NTMT1: variants seen among roughly 807,000 people sequenced by gnomAD.
NTMT1 encodes the protein N-terminal RCC1 methyltransferase.
Under a neutral mutation model 17.5 loss-of-function variants are expected in NTMT1, and 8 were observed. That is an observed-to-expected ratio of 0.46 (90% CI 0.27 to 0.82). NTMT1 has a LOEUF of 0.82. Among genes scored for constraint, NTMT1 ranks in the 40% least tolerant of loss-of-function variants. NTMT1 has a pLI of 0.15. For synonymous variants in NTMT1, 128 were observed against 126.8 expected (o/e 1.01, Z -0.06); for missense variants, 221 against 303.5 (o/e 0.73, Z 2.02).
chr9:129,620,055 G>A lies in NTMT1; in HGVS notation c.-55+10877G>A, dbSNP rs560342192. On this transcript the variant is annotated intron_variant, in intron 1 of 3. Transcript: ENST00000372486. This position sits in a 1 kb window ranked among gnomAD's most constrained non-coding sequence, Gnocchi z 5.8. Reference sequence around the variant, plus strand: ...GACTCGGGCCCGCCCCCCGGGCCCCGCGGGGCCTCACTCAGTGGCTCCGGC... The same window carrying A: ...GACTCGGGCCCGCCCCCCGGGCCCCACGGGGCCTCACTCAGTGGCTCCGGC... The A allele has an allele frequency of 5.4e-5, 78 of 1,447,998 alleles. 1 individual carries two copies. The African/African-American group carries it at 9.8e-4, about 18-fold the overall frequency. 89.7% of individuals were successfully genotyped at this position (1,447,998 alleles called of 1,614,324 possible).
At chr9:129,629,584 TC>T (rs1831053415) in intron 1 of NTMT1, among the ~76,000 whole-genome samples, 1 of 152,088 alleles carries the variant, frequency 6.6e-6, no homozygotes, top group African/African-American at 2.4e-5. Flanking sequence ...TCTTTCTCCT[TC>T]CGGCAGTGTT....
Position 129,635,318 on chromosome 9 carries a change from C to T in NTMT1, c.526C>T (p.Leu176=), listed in dbSNP as rs1371417737. The T allele has an allele frequency of 1.2e-6, 2 of 1,613,840 alleles. No individual in the cohort carries two copies. Among genetic ancestry groups the T allele is most frequent in the African/African-American group, 1.3e-5 (1 of 75,058 alleles). The change falls in exon 4 of 4, where the codon CTG becomes TTG. Residue 176 remains leucine (L), a synonymous_variant. Transcript: ENST00000372483. ...KDNMAQEGVI[L]DDVDSSVCRD... ...CAACATGGCCCAGGAGGGCGTGATT[C>T]TGGACGACGTGGACAGCAGCGTGTG...
At chr9:129,635,047 G>A in intron 3 of NTMT1, 161 bp from the exon 4 acceptor site, 2 of 777,332 alleles carry the variant, frequency 2.6e-6, no homozygotes, top group Non-Finnish European at 4.1e-6. Flanking sequence ...CTATGAATTG[G>A]GGTTTAGTAA....
chr9:129,612,758 T>C (rs1830151828), intron 1 of NTMT1, among the ~76,000 whole-genome samples: 1 of 152,012 alleles, frequency 6.6e-6, no homozygotes, highest in South Asian at 2.1e-4. Flanking sequence ...GGTGTCCCCA[T>C]TGCAGAGGTT....
At chr9:129,623,823 C>CTTTTTTTT (rs746654555), upstream of NTMT1, among the ~76,000 whole-genome samples, 21 of 107,824 alleles carry the variant, frequency 1.9e-4, 3 homozygotes, top group East Asian at 2.6e-4. Context: ...TTTTTCTTTT[C>CTTTTTTTT]TTTTCTTTTT....
Position 129,620,599 on chromosome 9 carries a change from G to T in NTMT1, c.-55+11421G>T. 1 of 1,314,712 alleles carries T rather than the reference G, an allele frequency of 7.6e-7. No individual in the cohort carries two copies. The allele number at this position is 1,314,712 out of a possible 1,614,324, so 81.4% of individuals were successfully genotyped here. Reference sequence around the variant, plus strand: ...TGCTTGGCCCCGCACTCAGCTCACCGCACCCTCAGCGCGCGTGGGTGGGGG... The same window carrying T: ...TGCTTGGCCCCGCACTCAGCTCACCTCACCCTCAGCGCGCGTGGGTGGGGG... On this transcript the variant is annotated intron_variant, in intron 1 of 3. Transcript: ENST00000372486. The surrounding 1 kb of genome is among the most constrained non-coding windows in gnomAD (Gnocchi z 5.8).
intron 1 of NTMT1, chr9:129,612,210 G>C: frequency 1.5e-6 from 1 of 684,972 alleles, no homozygotes; most frequent in Non-Finnish European, 2.5e-6. Flanking sequence ...CCAGCAACCA[G>C]GTACCCAGAA....
intron 1 of NTMT1, among the ~76,000 whole-genome samples, chr9:129,610,967 C>G (rs1830102518): frequency 1.3e-5 from 2 of 152,160 alleles, no homozygotes; most frequent in Admixed American, 1.3e-4. Flanking sequence ...CCAGTTACCT[C>G]CAGAGTCCAG....
chr9:129,613,419 T>C lies in NTMT1; in HGVS notation c.-55+4241T>C, dbSNP rs757513239. 6.2e-7 allele frequency: 1 copy of C among 1,611,510 alleles called. No individual in the cohort carries two copies. The highest frequency in any genetic ancestry group is 8.5e-7 in the Non-Finnish European group (1 of 1,178,304). On this transcript the variant is annotated intron_variant, in intron 1 of 3. Transcript: ENST00000372486. This position sits in a 1 kb window ranked among gnomAD's most constrained non-coding sequence, Gnocchi z 6.2. ...GGCAATGTCCACGAGTCCCATCCGC[T>C]TCCCTGGAGCCTCACAGGCCAGCGC... is the stretch of plus-strand genomic sequence containing the variant.
chr9:129,633,949 G>GTCTT, intron 2 of NTMT1, 105 bp from the exon 3 acceptor site: 1 of 1,328,286 alleles, frequency 7.5e-7, no homozygotes, highest in South Asian at 1.5e-5. Context: ...AGCTTGTGCG[G>GTCTT]AGTCCTGGAA....
intron 1 of NTMT1, among the ~76,000 whole-genome samples, chr9:129,611,137 C>T (rs1159697693): frequency 6.6e-6 from 1 of 152,178 alleles, no homozygotes; most frequent in Non-Finnish European, 1.5e-5. Flanking sequence ...CCCTAAGGAC[C>T]CCCACCAGCC....
chr9:129,609,320 TCTG>T (rs1431665469), intron 1 of NTMT1: 2 of 152,974 alleles, frequency 1.3e-5, no homozygotes, highest in Non-Finnish European at 2.9e-5. Flanking sequence ...AGCTCTGCCT[TCTG>T]CCTTGGGTCA....
At chr9:129,615,111 A>G (rs1196507096) in intron 1 of NTMT1, among the ~76,000 whole-genome samples, 1 of 152,210 alleles carries the variant, frequency 6.6e-6, no homozygotes, top group East Asian at 1.9e-4. Context: ...AGATGCTTCC[A>G]ATGGCATCTG....
chr9:129,615,477 TG>T (rs1156529798), intron 1 of NTMT1: 1 of 1,580,650 alleles, frequency 6.3e-7, no homozygotes, highest in Non-Finnish European at 8.6e-7. Context: ...CCATCCTGTC[TG>T]CTTACCTGAG....
intron 1 of NTMT1, among the ~76,000 whole-genome samples, chr9:129,617,628 A>G (rs1302903023): frequency 1.3e-5 from 2 of 152,098 alleles, no homozygotes; most frequent in Non-Finnish European, 2.9e-5. Flanking sequence ...TCATGTGTAT[A>G]TTTGGCCTGA....
At chr9:129,616,802 G>A (rs183456828) in intron 1 of NTMT1, among the ~76,000 whole-genome samples, 30 of 152,176 alleles carry the variant, frequency 2.0e-4, no homozygotes, top group African/African-American at 3.9e-4. Context: ...GCCTCAACCC[G>A]GTGTGGTGGC....
upstream of NTMT1, among the ~76,000 whole-genome samples, chr9:129,621,252 G>T (rs1050583787): frequency 2.6e-5 from 4 of 152,192 alleles, no homozygotes; most frequent in African/African-American, 9.7e-5. Context: ...GAGACCCCTG[G>T]GTGGGGAGCC....
chr9:129,610,792 G>A (rs1431960784), intron 1 of NTMT1, among the ~76,000 whole-genome samples: 1 of 152,212 alleles, frequency 6.6e-6, no homozygotes, highest in African/African-American at 2.4e-5. Context: ...GGCTCAGAGA[G>A]GGCGACGTGG....
chr9:129,611,325 A>C (rs1830110148), intron 1 of NTMT1, among the ~76,000 whole-genome samples: 2 of 152,216 alleles, frequency 1.3e-5, no homozygotes, highest in South Asian at 4.1e-4. Context: ...GCGGCGGCTC[A>C]AACTTTCTCC....
Sources: gnomAD v4.1 joint callset for allele counts (sites outside exome capture counted in the v4.1 genomes callset) on GRCh38, gnomAD v4.1.1 for gene constraint, Gnocchi (gnomAD v3.1) non-coding constraint, MANE v1.5 for transcripts, NCBI Gene and HGNC (gene_info 2026-07-23, HGNC 2026-07-21) for gene names.